Variants in RSRC1 observed in about 807,000 individuals in gnomAD.
The protein encoded by RSRC1 is serine/Arginine-related protein 53.
Under a neutral mutation model 49.1 loss-of-function variants are expected in RSRC1, and 39 were observed. The observed-to-expected ratio is 0.79, with a 90% confidence interval of 0.61 to 1.04. The LOEUF (loss-of-function observed/expected upper bound fraction) is 1.04. Ranked by LOEUF, RSRC1 falls within the 50% of genes least tolerant of loss-of-function variation. The pLI is 0.00. For synonymous variants in RSRC1, 143 were observed against 130.8 expected, an observed-to-expected ratio of 1.09 and a Z score of -0.63; for missense variants, 388 against 402.4, an observed-to-expected ratio of 0.96 and a Z score of 0.31.
At chr3:158,331,690 T>G (rs573012161) in intron 5 of RSRC1, among the ~76,000 whole-genome samples, 138 of 152,220 alleles carry the variant, frequency 9.1e-4, no homozygotes, top group Middle Eastern at 3.4e-3. Context: ...AGTTTAATCT[T>G]GAAGTTTTTT....
rs934644432 is a variant in RSRC1, at chr3:158,522,501, G to A, written c.653-14591G>A. On this transcript the variant is annotated intron_variant, in intron 7 of 9. Transcript: ENST00000611884. ...CTACTTTCATGATAAAGATAATATG[G>A]CATTTAGGGCTTGTCTTGATTAAAA... 3.3e-5 allele frequency among the ~76,000 whole-genome samples: 5 copies of A among 152,108 alleles called. No homozygotes were observed. In the South Asian group the frequency reaches 1.0e-3, roughly 32 times the overall value.
At chr3:158,262,172 G>A (rs1020907990) in intron 4 of RSRC1, among the ~76,000 whole-genome samples, 1 of 152,100 alleles carries the variant, frequency 6.6e-6, no homozygotes, top group Admixed American at 6.5e-5. Context: ...TATAGGTCAT[G>A]TGTTTCGTGT....
intron 7 of RSRC1, among the ~76,000 whole-genome samples, chr3:158,516,942 G>T (rs900547570): frequency 1.3e-5 from 2 of 152,198 alleles, no homozygotes; most frequent in Non-Finnish European, 2.9e-5. Context: ...GCAGTGCCTC[G>T]CCCTGCTTTG....
At chr3:158,480,590 C>T (rs1738570369) in intron 7 of RSRC1, among the ~76,000 whole-genome samples, 1 of 151,940 alleles carries the variant, frequency 6.6e-6, no homozygotes, top group African/African-American at 2.4e-5. Flanking sequence ...CAGTAACTGA[C>T]ATTTGGACAT....
chr3:158,495,509 C>T (rs939414961), intron 7 of RSRC1, among the ~76,000 whole-genome samples: 3 of 152,128 alleles, frequency 2.0e-5, no homozygotes, highest in Non-Finnish European at 2.9e-5. Context: ...TGGTCTCGAA[C>T]TCCTGACCTC....
At chr3:158,244,603 T>C (rs970239246) in intron 4 of RSRC1, among the ~76,000 whole-genome samples, 1 of 152,200 alleles carries the variant, frequency 6.6e-6, no homozygotes, top group Admixed American at 6.5e-5. Context: ...GTTATATCTC[T>C]GCCAGGTTTC....
chr3:158,532,604 A>T (rs956297458), intron 7 of RSRC1, among the ~76,000 whole-genome samples: 1 of 151,742 alleles, frequency 6.6e-6, no homozygotes, highest in Admixed American at 6.6e-5. Context: ...CACAAAAGGA[A>T]AGTGATTTTC....
intron 6 of RSRC1, among the ~76,000 whole-genome samples, chr3:158,457,145 G>A (rs1444600255): frequency 5.3e-5 from 8 of 152,104 alleles, no homozygotes; most frequent in Middle Eastern, 3.2e-3. Flanking sequence ...GGAAGTACTC[G>A]TATTAGAAGT....
intron 4 of RSRC1, chr3:158,276,415 C>T (rs1725820281): frequency 2.7e-6 from 2 of 754,588 alleles, no homozygotes; most frequent in Non-Finnish European, 4.8e-6. Context: ...TGCTTGTATG[C>T]ACCCATCTTG....
intron 5 of RSRC1, among the ~76,000 whole-genome samples, chr3:158,303,962 T>C (rs889664145): frequency 4.9e-4 from 74 of 152,312 alleles, no homozygotes; most frequent in East Asian, 1.9e-4. Flanking sequence ...TGAAAAGAAT[T>C]ACAAGTGTTT....
chr3:158,227,191 G>C (rs777264559), intron 4 of RSRC1, among the ~76,000 whole-genome samples: 2 of 151,692 alleles, frequency 1.3e-5, no homozygotes, highest in African/African-American at 2.4e-5. Flanking sequence ...AATACATGCT[G>C]TATACTATAT....
At chr3:158,349,649 C>G (rs1456626922) in intron 5 of RSRC1, among the ~76,000 whole-genome samples, 1 of 145,756 alleles carries the variant, frequency 6.9e-6, no homozygotes, top group South Asian at 2.2e-4. Context: ...TTAATATGGC[C>G]TTTAAAGACT....
chr3:158,229,198 ATG>A (rs1559952348), intron 4 of RSRC1, among the ~76,000 whole-genome samples: 1 of 98,762 alleles, frequency 1.0e-5, no homozygotes, highest in African/African-American at 3.3e-5. Context: ...ACATACATAT[ATG>A]TGTATATATG....
At chr3:158,197,202 A>G (rs1289547673) in intron 3 of RSRC1, among the ~76,000 whole-genome samples, 2 of 152,150 alleles carry the variant, frequency 1.3e-5, no homozygotes, top group Admixed American at 6.5e-5. Flanking sequence ...CTATTCAGGG[A>G]TTCAACTTCT....
chr3:158,142,778 C>CT (rs11426021), intron 3 of RSRC1, among the ~76,000 whole-genome samples: 85,784 of 151,304 alleles, frequency 0.57, 24,579 homozygotes, highest in East Asian at 0.7. Flanking sequence ...CCACCAGGGT[C>CT]CACCTCCAAC....
chr3:158,171,281 C>CT (rs1378165424), intron 3 of RSRC1, among the ~76,000 whole-genome samples: 4 of 152,174 alleles, frequency 2.6e-5, no homozygotes, highest in African/African-American at 9.6e-5. Flanking sequence ...GAGCATTTTG[C>CT]TAGTATACAC....
At chr3:158,183,978 G>A (rs1375352206) in intron 3 of RSRC1, among the ~76,000 whole-genome samples, 3 of 152,110 alleles carry the variant, frequency 2.0e-5, no homozygotes, top group African/African-American at 4.8e-5. Context: ...TGCTACTGGG[G>A]TGGGGTTTCG....
chr3:158,202,565 TATATATATA>T (rs1559941222), intron 3 of RSRC1, among the ~76,000 whole-genome samples: 3 of 137,234 alleles, frequency 2.2e-5, no homozygotes, highest in African/African-American at 8.5e-5. Flanking sequence ...TGGTAGATTA[TATATATATA>T]TATATATGTT....
At chr3:158,230,771 T>C (rs1309902130) in intron 4 of RSRC1, among the ~76,000 whole-genome samples, 1 of 152,176 alleles carries the variant, frequency 6.6e-6, no homozygotes. Context: ...TCATTGTTTT[T>C]ATTACCGCTC....
Sources: allele counts gnomAD v4.1 joint callset (sites outside exome capture counted in the v4.1 genomes callset), GRCh38; gene constraint gnomAD v4.1.1; transcripts MANE v1.5; gene names NCBI Gene and HGNC (gene_info 2026-07-23, HGNC 2026-07-21).